Variants in ZNF804B observed in about 807,000 individuals in gnomAD.
ZNF804B encodes the protein zinc finger 804B.
Under a neutral mutation model 101.4 loss-of-function variants are expected in ZNF804B, and 80 were observed. The ratio of observed to expected loss-of-function variants is 0.79; its 90% confidence interval spans 0.66 to 0.95. The LOEUF is 0.95. Among genes scored for constraint, ZNF804B ranks in the 40% least tolerant of loss-of-function variants. The probability of loss-of-function intolerance (pLI) is 0.00; values close to 1 mark genes in which losing one functional copy is unlikely to be tolerated. For missense variants in ZNF804B, 1,673 were observed against 1,561.9 expected (o/e 1.07, Z -1.20); for synonymous variants, 622 against 558.8 (o/e 1.11, Z -1.59).
chr7:88,816,683 A>G (rs550784286), intron 1 of ZNF804B, among the ~76,000 whole-genome samples: 2,509 of 144,560 alleles, frequency 0.017, 36 homozygotes, highest in Non-Finnish European at 0.023. Flanking sequence ...CCACAATGAG[A>G]TACCATCTCA....
intron 1 of ZNF804B, among the ~76,000 whole-genome samples, chr7:88,848,719 T>C (rs201649297): frequency 6.9e-6 from 1 of 144,802 alleles, no homozygotes; most frequent in Non-Finnish European, 1.5e-5. Flanking sequence ...GGTAAAAAAA[T>C]GGGAAAAAGT....
At chr7:88,787,904 C>T (rs1394884664) in intron 1 of ZNF804B, among the ~76,000 whole-genome samples, 1 of 151,962 alleles carries the variant, frequency 6.6e-6, no homozygotes, top group Non-Finnish European at 1.5e-5. Flanking sequence ...CTAAGCAGGG[C>T]ACAGAAACAA....
intron 1 of ZNF804B, among the ~76,000 whole-genome samples, chr7:88,777,380 A>G (rs1351606454): frequency 6.6e-6 from 1 of 152,194 alleles, no homozygotes. Context: ...TTTCCTTTGG[A>G]AGACCCAACC....
At chr7:89,280,933 T>C (rs1790084957) in intron 2 of ZNF804B, among the ~76,000 whole-genome samples, 1 of 152,202 alleles carries the variant, frequency 6.6e-6, no homozygotes, top group Admixed American at 6.5e-5. Context: ...GATGTTTATA[T>C]TTTAATGTCT....
rs906080002 is a variant in ZNF804B at position 89,276,481 on chromosome 7, T to C, written c.250-50863T>C. On this transcript the variant is annotated intron_variant, in intron 2 of 3. Coordinates refer to ENST00000333190, the MANE Select transcript of ZNF804B (RefSeq NM_181646.5). ...GGGTTCACTAAAATATAAACAAAAA[T>C]AATTTCAAATGTACAATATAATATG... is the stretch of plus-strand genomic sequence containing the variant. Among the ~76,000 whole-genome samples, 5 of 151,866 alleles carry C rather than the reference T, an allele frequency of 3.3e-5. 1 individual carries two copies. Among genetic ancestry groups the C allele is most frequent in the African/African-American group, 1.2e-4 (5 of 41,182 alleles).
chr7:89,134,707 T>A (rs1790603940), intron 1 of ZNF804B, among the ~76,000 whole-genome samples: 1 of 152,220 alleles, frequency 6.6e-6, no homozygotes, highest in Non-Finnish European at 1.5e-5. Context: ...GTGCTTGTCT[T>A]CTTGGTTGAT....
chr7:88,976,476 G>T (rs114920733), intron 1 of ZNF804B, among the ~76,000 whole-genome samples: 3,441 of 151,278 alleles, frequency 0.023, 134 homozygotes, highest in African/African-American at 0.079. Context: ...TTAATTCCCA[G>T]ATACTTGATT....
chr7:88,771,650 A>G (rs1790065430), intron 1 of ZNF804B, among the ~76,000 whole-genome samples: 1 of 152,154 alleles, frequency 6.6e-6, no homozygotes, highest in African/African-American at 2.4e-5. Context: ...CAATTAAATA[A>G]GAGAATACTG....
chr7:89,061,248 A>T (rs1203752304), intron 1 of ZNF804B, among the ~76,000 whole-genome samples: 1 of 152,106 alleles, frequency 6.6e-6, no homozygotes, highest in Non-Finnish European at 1.5e-5. Flanking sequence ...CCCTTTAAAA[A>T]TGTAAATATG....
chr7:89,044,822 C>G (rs1789076548), intron 1 of ZNF804B, among the ~76,000 whole-genome samples: 1 of 152,092 alleles, frequency 6.6e-6, no homozygotes, highest in South Asian at 2.1e-4. Context: ...AAATTTACAG[C>G]CTGACAGTGC....
At chr7:88,856,489 G>A (rs1791561178) in intron 1 of ZNF804B, among the ~76,000 whole-genome samples, 3 of 152,208 alleles carry the variant, frequency 2.0e-5, no homozygotes, top group Admixed American at 6.5e-5. Flanking sequence ...TTGCCTATCA[G>A]CTTAAGGAGA....
At chr7:89,073,504 C>G (rs1431180209) in intron 1 of ZNF804B, among the ~76,000 whole-genome samples, 1 of 151,920 alleles carries the variant, frequency 6.6e-6, no homozygotes, top group Non-Finnish European at 1.5e-5. Context: ...CTGATCATCC[C>G]ATTTATTTTG....
Position 89,337,152 on chromosome 7 carries a change from C to A in ZNF804B, c.*120C>A. ...ATATTGCTGCCAATTCAAAATGTGA[C>A]AAATATATAAATATGATCTGAATTG... On this transcript the variant is annotated 3_prime_UTR_variant, in exon 4 of 4. Coordinates refer to ENST00000333190, the MANE Select transcript of ZNF804B (RefSeq NM_181646.5). The A allele has an allele frequency of 9.6e-7, 1 of 1,039,150 alleles. No individual in the cohort carries two copies. The highest frequency in any genetic ancestry group is 1.4e-6 in the Non-Finnish European group (1 of 736,294). The allele number at this position is 1,039,150 out of a possible 1,614,324, so 64.4% of individuals were successfully genotyped here.
intron 1 of ZNF804B, among the ~76,000 whole-genome samples, chr7:89,081,309 G>T (rs1789694479): frequency 6.6e-6 from 1 of 151,862 alleles, no homozygotes; most frequent in African/African-American, 2.4e-5. Context: ...ACAGGGTCAG[G>T]TGTTCTTCAG....
At chr7:89,164,331 T>C (rs1471463147) in intron 1 of ZNF804B, among the ~76,000 whole-genome samples, 1 of 152,070 alleles carries the variant, frequency 6.6e-6, no homozygotes, top group African/African-American at 2.4e-5. Context: ...TCAGGACCCA[T>C]ATGTTCTCAC....
chr7:88,952,390 A>C (rs939499365), intron 1 of ZNF804B, among the ~76,000 whole-genome samples: 1 of 151,878 alleles, frequency 6.6e-6, no homozygotes, highest in African/African-American at 2.4e-5. Flanking sequence ...ATAACCATGC[A>C]TGGGACCAAG....
At chr7:88,954,568 C>A (rs1471032367) in intron 1 of ZNF804B, among the ~76,000 whole-genome samples, 2 of 150,656 alleles carry the variant, frequency 1.3e-5, no homozygotes, top group African/African-American at 2.4e-5. Flanking sequence ...CCCCCCCCAC[C>A]ACGGGTGGCA....
At chr7:89,154,546 C>G (rs11770617) in intron 1 of ZNF804B, among the ~76,000 whole-genome samples, 22,285 of 152,068 alleles carry the variant, frequency 0.15, 1,807 homozygotes, top group African/African-American at 0.21. Flanking sequence ...ACAATGAGAT[C>G]CTGTCATTTG....
chr7:89,247,441 C>G (rs896560253), intron 2 of ZNF804B, among the ~76,000 whole-genome samples: 3 of 152,244 alleles, frequency 2.0e-5, no homozygotes, highest in Non-Finnish European at 4.4e-5. Context: ...GTAGGTCCAA[C>G]CACAGAGCCC....
Sources: gnomAD v4.1 joint callset for allele counts (sites outside exome capture counted in the v4.1 genomes callset) on GRCh38, gnomAD v4.1.1 for gene constraint, MANE v1.5 for transcripts, NCBI Gene and HGNC (gene_info 2026-07-23, HGNC 2026-07-21) for gene names.